The following INTS2 variants were observed in gnomAD, a reference collection of about 807,000 sequenced individuals.
INTS2 encodes the protein KIAA1287.
INTS2 carries 57 observed loss-of-function variants against 139.6 expected under a neutral mutation model. That is an observed-to-expected ratio of 0.41 (90% confidence interval 0.33 to 0.51). The LOEUF (loss-of-function observed/expected upper bound fraction) is 0.51. INTS2 is among the 20% of genes least tolerant of loss of function. INTS2 has a pLI of 0.28. For missense variants in INTS2, 1,196 were observed against 1,436.7 expected (o/e 0.83, Z 2.71); for synonymous variants, 473 against 493.4 (o/e 0.96, Z 0.55).
Position 61,893,780 on chromosome 17 carries a change from G to A in INTS2, c.1683C>T (p.His561=), listed in dbSNP as rs1430769860. The part of the protein sequence containing the change: ...QLLRSRSFTK[H]KVSIKDWIYR... ...AGGGGCATACTTTTATTGACACTTT[G>A]TGCTTGGTAAAGGAACGGCTCCTGA... Residue 561 remains histidine, a synonymous_variant, in exon 13 of 25, where the codon CAC becomes CAT. Coordinates refer to ENST00000251334, the MANE Select transcript of INTS2 (RefSeq NM_001351695.2). This position sits in a 1 kb window ranked among gnomAD's most constrained non-coding sequence, Gnocchi z 5.4. 13 of 1,587,990 alleles carry A rather than the reference G, an allele frequency of 8.2e-6. No homozygotes were observed. Among genetic ancestry groups the A allele is most frequent in the Non-Finnish European group, 1.1e-5 (13 of 1,165,702 alleles).
rs1162617577 is a variant in INTS2, at chr17:61,911,945, T to C, written c.775A>G (p.Met259Val). The C allele has an allele frequency of 5.0e-6, 8 of 1,611,858 alleles. No homozygotes were observed. The highest frequency in any genetic ancestry group is 1.3e-5 in the African/African-American group (1 of 74,776). Residue 259 changes from methionine to valine, a missense_variant, in exon 6 of 25, where the codon ATG (methionine) becomes GTG (valine). By Grantham distance (21) the Met-to-Val change is conservative. Around this residue, in one of 3 missense-constraint regions of INTS2, gnomAD observed 1,129 missense variants for 1,341.9 expected, o/e 0.84. Coordinates refer to ENST00000251334, the MANE Select transcript of INTS2 (RefSeq NM_001351695.2). Reference sequence around the variant, plus strand: ...TAAAACACAGGATCACTTACCACCATGCCTCGGACCTTGAGGGCCTGAGAA... The same window carrying C: ...TAAAACACAGGATCACTTACCACCACGCCTCGGACCTTGAGGGCCTGAGAA... The part of the protein sequence containing the change: ...NPSQALKVRG[M>V]VVEECHLPGL...
chr17:61,900,673 A>C lies in INTS2; in HGVS notation c.1308-2934T>G, dbSNP rs73332592. 2.9e-3 allele frequency among the ~76,000 whole-genome samples: 439 copies of C among 152,286 alleles called. 3 individuals are homozygous for C. Among genetic ancestry groups the C allele is most frequent in the African/African-American group, 1.0e-2 (414 of 41,570 alleles). ...CATTTCCTAGTCTTAAATATGAACAATCGGCCAGACGTGGTGGCTCACACC... is the reference window on the plus strand; with the variant it reads ...CATTTCCTAGTCTTAAATATGAACACTCGGCCAGACGTGGTGGCTCACACC... On this transcript the variant is annotated intron_variant, in intron 9 of 24. Coordinates refer to ENST00000251334, the MANE Select transcript of INTS2 (RefSeq NM_001351695.2).
intron 4 of INTS2, among the ~76,000 whole-genome samples, chr17:61,920,280 C>T (rs372867637): frequency 5.4e-5 from 8 of 148,920 alleles, no homozygotes; most frequent in South Asian, 2.1e-4. Flanking sequence ...CTCCAGAGTT[C>T]AAGCGATTCT....
Position 61,926,635 on chromosome 17 carries a change from A to C in INTS2, c.10T>G (p.Cys4Gly). 6.2e-7 allele frequency: 1 copy of C among 1,608,032 alleles called. No homozygotes were observed. Among genetic ancestry groups the C allele is most frequent in the Non-Finnish European group, 8.5e-7 (1 of 1,176,754 alleles). MTE[C>G]TSLQFVSPFA... The stretch of plus-strand genomic sequence containing the variant: ...GGGCTGACAAACTGAAGACTTGTAC[A>C]TTCAGTCATTATTACTGTTTGTTGA... Residue 4 changes from cysteine (C) to glycine (G), a missense_variant, in exon 2 of 25, where the codon TGT (cysteine) becomes GGT (glycine). Around this residue, in one of 3 missense-constraint regions of INTS2, gnomAD observed 36 missense variants for 30.1 expected, o/e 1.19. Transcript: ENST00000251334.
intron 3 of INTS2, among the ~76,000 whole-genome samples, chr17:61,922,194 G>A (rs1432554827): frequency 6.6e-6 from 1 of 152,106 alleles, no homozygotes; most frequent in Admixed American, 6.6e-5. Flanking sequence ...TTCATGGCCA[G>A]GTGCAGTGGC....
At chr17:61,904,608 G>C in intron 8 of INTS2, 23 bp from the exon 9 acceptor site, 1 of 1,554,356 alleles carries the variant, frequency 6.4e-7, no homozygotes, top group Non-Finnish European at 8.7e-7. Flanking sequence ...ACATCATTAG[G>C]CTTTACATTT....
chr17:61,894,575 G>A (rs775852513), intron 12 of INTS2, among the ~76,000 whole-genome samples: 15 of 152,194 alleles, frequency 9.9e-5, no homozygotes, highest in Admixed American at 2.0e-4. Context: ...CAACTGGCCG[G>A]GTGCAGTGGC....
At position 61,909,430 on chromosome 17, in the gene INTS2, T is replaced by C. The variant is rs1443503941; in HGVS notation, c.955-1796A>G. On this transcript the variant is annotated intron_variant, in intron 7 of 24. Coordinates refer to ENST00000251334, the MANE Select transcript of INTS2 (RefSeq NM_001351695.2). The surrounding 1 kb of genome is among the most constrained non-coding windows in gnomAD (Gnocchi z 4.9). ...AGCCCTTACTTCTTATTTTTATAGA[T>C]TTAGGGGGTACAAGTGCAGTTTTGT... Among the ~76,000 whole-genome samples the C allele has an allele frequency of 6.6e-6, 1 of 152,090 alleles. No homozygotes were observed. The highest frequency in any genetic ancestry group is 1.9e-4 in the East Asian group (1 of 5,186).
At chr17:61,923,425 C>T (rs71375125) in intron 3 of INTS2, among the ~76,000 whole-genome samples, 7,648 of 133,732 alleles carry the variant, frequency 0.057, 287 homozygotes, top group Middle Eastern at 0.13. Context: ...TGCAGTGAGC[C>T]GAGATTGTGC....
intron 16 of INTS2, among the ~76,000 whole-genome samples, chr17:61,883,085 A>G (rs949456903): frequency 1.3e-5 from 2 of 152,248 alleles, no homozygotes; most frequent in African/African-American, 4.8e-5. Context: ...GTATATATAC[A>G]GTTAAAACTA....
chr17:61,879,331 T>C (rs1189371013), intron 17 of INTS2, among the ~76,000 whole-genome samples: 1 of 152,112 alleles, frequency 6.6e-6, no homozygotes, highest in African/African-American at 2.4e-5. Context: ...GGTGGTCCCC[T>C]TATAGGATGT....
intron 8 of INTS2, among the ~76,000 whole-genome samples, 151 bp from the exon 9 acceptor site, chr17:61,904,736 A>C (rs2079443426): frequency 6.6e-6 from 1 of 152,302 alleles, no homozygotes; most frequent in South Asian, 2.1e-4. Context: ...CAAATGCAAA[A>C]CTGTTGAGAA....
At chr17:61,880,110 C>T (rs1001349948) in intron 17 of INTS2, among the ~76,000 whole-genome samples, 7 of 152,142 alleles carry the variant, frequency 4.6e-5, no homozygotes, top group Non-Finnish European at 7.3e-5. Flanking sequence ...GTGGTGCAAC[C>T]TTGGCTCACT....
At chr17:61,906,364 C>T (rs188045362) in intron 8 of INTS2, among the ~76,000 whole-genome samples, 3 of 152,310 alleles carry the variant, frequency 2.0e-5, no homozygotes, top group Admixed American at 2.0e-4. Flanking sequence ...TTTACAACTA[C>T]CTCCTCTGCT....
intron 9 of INTS2, among the ~76,000 whole-genome samples, chr17:61,900,183 G>A (rs1485715425): frequency 6.6e-6 from 1 of 152,182 alleles, no homozygotes; most frequent in Admixed American, 6.6e-5. Context: ...TAAACTGGTA[G>A]AAGAGAAAAC....
intron 18 of INTS2, among the ~76,000 whole-genome samples, chr17:61,877,360 C>T (rs970553658): frequency 6.6e-6 from 1 of 152,136 alleles, no homozygotes; most frequent in Non-Finnish European, 1.5e-5. Flanking sequence ...TTTTCTAGAC[C>T]TGTCCAGGTG....
chr17:61,875,755 G>A lies in INTS2; in HGVS notation c.2457-717C>T, dbSNP rs567678650. Among the ~76,000 whole-genome samples, 235 of 151,820 alleles carry A rather than the reference G, an allele frequency of 1.5e-3. No homozygotes were observed. The highest frequency in any genetic ancestry group is 5.5e-3 in the African/African-American group (229 of 41,420). The stretch of plus-strand genomic sequence containing the variant: ...AAGGAACTCCAAACAGAAAATGTAG[G>A]GATAAGGAGAAAAAAAATTTTCGAA... On this transcript the variant is annotated intron_variant, in intron 18 of 24. Transcript: ENST00000251334. This position sits in a 1 kb window ranked among gnomAD's most constrained non-coding sequence, Gnocchi z 4.6.
chr17:61,884,632 G>A (rs1410400323), intron 16 of INTS2, among the ~76,000 whole-genome samples: 1 of 151,886 alleles, frequency 6.6e-6, no homozygotes, highest in Non-Finnish European at 1.5e-5. Context: ...CTCTAAATTA[G>A]CTGAATATCT....
chr17:61,893,658 G>T lies in INTS2; in HGVS notation c.1698+107C>A. 1 of 754,844 alleles carries T rather than the reference G, an allele frequency of 1.3e-6. No individual in the cohort carries two copies. Among genetic ancestry groups the T allele is most frequent in the Non-Finnish European group, 1.8e-6 (1 of 541,244 alleles). The allele number at this position is 754,844 out of a possible 1,614,324, so 46.8% of individuals were successfully genotyped here. On this transcript the variant is annotated intron_variant, in intron 13 of 24. Transcript: ENST00000251334. This position sits in a 1 kb window ranked among gnomAD's most constrained non-coding sequence, Gnocchi z 5.4. ...TACAGTGAGCCAAGACTGCACCACT[G>T]CACTCCAACCTGGGTGACTGAGCAA...
Sources: gnomAD v4.1 joint callset for allele counts (sites outside exome capture counted in the v4.1 genomes callset) on GRCh38, gnomAD v4.1.1 for gene constraint, gnomAD v4.1.1 regional missense constraint, Gnocchi (gnomAD v3.1) non-coding constraint, MANE v1.5 for transcripts, NCBI Gene and HGNC (gene_info 2026-07-23, HGNC 2026-07-21) for gene names.